The following NAV2 variants were observed in gnomAD, a reference collection of about 807,000 sequenced individuals.
The protein encoded by NAV2 is helicase, APC down-regulated 1.
In NAV2, 54 loss-of-function variants were observed where a neutral mutation model predicts 223.2. The observed-to-expected ratio is 0.24, with a 90% CI of 0.19 to 0.30. NAV2 has a LOEUF of 0.30. NAV2 is among the 10% of genes least tolerant of loss of function. NAV2 has a pLI of 1.00. For missense variants in NAV2, 2,806 were observed against 3,147.5 expected, an observed-to-expected ratio of 0.89 and a Z score of 2.60; for synonymous variants, 1,279 against 1,239.3, an observed-to-expected ratio of 1.03 and a Z score of -0.67.
At chr11:19,556,284 A>G (rs1281510645) in intron 1 of NAV2, among the ~76,000 whole-genome samples, 6 of 152,252 alleles carry the variant, frequency 3.9e-5, no homozygotes, top group Non-Finnish European at 1.5e-5. Flanking sequence ...GTGCATCAAC[A>G]AAGTGGAATA....
At chr11:19,867,009 A>G (rs1315206320) in intron 3 of NAV2, among the ~76,000 whole-genome samples, 1 of 152,188 alleles carries the variant, frequency 6.6e-6, no homozygotes, top group Non-Finnish European at 1.5e-5. Context: ...TTATTTAAAT[A>G]CTAGTGTCTC....
At position 19,999,951 on chromosome 11, in the gene NAV2, T is replaced by C. The variant is rs146763842; in HGVS notation, c.2768+15704T>C. 6.5e-3 allele frequency among the ~76,000 whole-genome samples: 989 copies of C among 152,286 alleles called. 7 individuals carry two copies. The highest frequency in any genetic ancestry group is 0.022 in the African/African-American group (931 of 41,560). On this transcript the variant is annotated intron_variant, in intron 11 of 37. Coordinates refer to ENST00000349880, the MANE Select transcript of NAV2 (RefSeq NM_145117.5). ...TAAGATACCTAAATCGGCCAGGATA[T>C]ACATGTGGGTCCTCTCAGCCCCAGG...
At chr11:19,847,125 G>A (rs983688903) in intron 3 of NAV2, among the ~76,000 whole-genome samples, 8 of 152,328 alleles carry the variant, frequency 5.3e-5, no homozygotes, top group African/African-American at 1.9e-4. Flanking sequence ...TTATCTGTTA[G>A]TGTGGAAGGA....
chr11:19,862,248 G>C (rs1387213756), intron 3 of NAV2, among the ~76,000 whole-genome samples: 1 of 152,208 alleles, frequency 6.6e-6, no homozygotes, highest in African/African-American at 2.4e-5. Context: ...TTGGAAAGCT[G>C]AAGTTATAAA....
intron 1 of NAV2, among the ~76,000 whole-genome samples, chr11:19,745,816 G>A (rs2053286478): frequency 6.6e-6 from 1 of 152,120 alleles, no homozygotes; most frequent in Non-Finnish European, 1.5e-5. Context: ...GAGCTCAGGT[G>A]GTAATGCTCA....
intron 1 of NAV2, among the ~76,000 whole-genome samples, chr11:19,404,988 C>T (rs758380909): frequency 2.0e-5 from 3 of 152,076 alleles, no homozygotes; most frequent in Admixed American, 6.6e-5. Context: ...TCCAGTTATA[C>T]GAGGCAGTGT....
At chr11:20,067,057 C>A (rs1322338075) in intron 20 of NAV2, among the ~76,000 whole-genome samples, 1 of 152,136 alleles carries the variant, frequency 6.6e-6, no homozygotes, top group Admixed American at 6.5e-5. Context: ...CTAGCAGGTA[C>A]CTGTGTCACC....
At chr11:19,535,511 A>G (rs1359285610) in intron 1 of NAV2, among the ~76,000 whole-genome samples, 1 of 152,164 alleles carries the variant, frequency 6.6e-6, no homozygotes, top group African/African-American at 2.4e-5. Flanking sequence ...TGCCATTTGT[A>G]CCGGGTGATA....
At chr11:19,447,256 T>TG (rs142009761) in intron 1 of NAV2, among the ~76,000 whole-genome samples, 2,831 of 152,370 alleles carry the variant, frequency 0.019, 38 homozygotes, top group Non-Finnish European at 0.03. Context: ...TTGAGTGGGC[T>TG]GGTTCTTTTC....
chr11:19,485,193 C>T (rs1434387963), intron 1 of NAV2, among the ~76,000 whole-genome samples: 2 of 152,096 alleles, frequency 1.3e-5, no homozygotes, highest in Admixed American at 6.5e-5. Flanking sequence ...ATAACTGTGT[C>T]CTTAGGCAAG....
intron 1 of NAV2, among the ~76,000 whole-genome samples, chr11:19,773,447 C>A (rs2055881168): frequency 6.6e-6 from 1 of 152,118 alleles, no homozygotes; most frequent in African/African-American, 2.4e-5. Flanking sequence ...AGCTGGCAGT[C>A]AGGGCCAGGG....
At chr11:19,881,678 G>C (rs1219146564) in intron 5 of NAV2, among the ~76,000 whole-genome samples, 1 of 152,180 alleles carries the variant, frequency 6.6e-6, no homozygotes, top group Non-Finnish European at 1.5e-5. Flanking sequence ...GAATGAATGA[G>C]ATTGCCGAGG....
chr11:19,784,688 TCAGA>T (rs2056980580), intron 1 of NAV2, among the ~76,000 whole-genome samples: 1 of 152,164 alleles, frequency 6.6e-6, no homozygotes, highest in Non-Finnish European at 1.5e-5. Flanking sequence ...TAGTATGGTG[TCAGA>T]CAGACCTAGA....
intron 6 of NAV2, among the ~76,000 whole-genome samples, chr11:19,898,631 T>G (rs1312365258): frequency 6.6e-6 from 1 of 152,208 alleles, no homozygotes; most frequent in Non-Finnish European, 1.5e-5. Context: ...TTTTAAATAG[T>G]GCTGAAATTA....
At chr11:19,972,685 C>T (rs1283003329) in intron 10 of NAV2, among the ~76,000 whole-genome samples, 1 of 152,312 alleles carries the variant, frequency 6.6e-6, no homozygotes, top group South Asian at 2.1e-4. Context: ...GGGAGGCTTT[C>T]TTTCTCTAAG....
chr11:19,897,036 T>C (rs1431385726), intron 6 of NAV2, among the ~76,000 whole-genome samples: 1 of 152,056 alleles, frequency 6.6e-6, no homozygotes, highest in African/African-American at 2.4e-5. Flanking sequence ...ATATACACCA[T>C]GGAATACTAT....
At chr11:19,400,570 T>A (rs1272404869) in intron 1 of NAV2, among the ~76,000 whole-genome samples, 1 of 152,148 alleles carries the variant, frequency 6.6e-6, no homozygotes, top group African/African-American at 2.4e-5. Context: ...GGTGAGTAGG[T>A]CATTCACCTG....
intron 1 of NAV2, among the ~76,000 whole-genome samples, chr11:19,391,852 T>C (rs1263983416): frequency 6.6e-6 from 1 of 152,200 alleles, no homozygotes; most frequent in Non-Finnish European, 1.5e-5. Context: ...AAGATGCTAA[T>C]ATTCGTTCCC....
intron 3 of NAV2, among the ~76,000 whole-genome samples, chr11:19,866,085 C>A (rs1265847799): frequency 7.9e-5 from 12 of 152,258 alleles, no homozygotes; most frequent in Admixed American, 7.2e-4. Flanking sequence ...AAAACCAACA[C>A]CATCCAAAGA....
Sources: allele counts gnomAD v4.1 joint callset (sites outside exome capture counted in the v4.1 genomes callset), GRCh38; gene constraint gnomAD v4.1.1; transcripts MANE v1.5; gene names NCBI Gene and HGNC (gene_info 2026-07-23, HGNC 2026-07-21).